Variants in KCNJ6 observed in about 807,000 individuals in gnomAD.
KCNJ6 encodes G protein-activated inward rectifier potassium channel 2.
Under a neutral mutation model 34.2 loss-of-function variants are expected in KCNJ6, and 9 were observed. That is an observed-to-expected ratio of 0.26 (90% CI 0.16 to 0.46). The LOEUF (loss-of-function observed/expected upper bound fraction) is 0.46. KCNJ6 is among the 20% of genes least tolerant of loss of function. KCNJ6 has a pLI of 1.00. For synonymous variants in KCNJ6, 196 were observed against 207.1 expected (o/e 0.95, Z 0.46); for missense variants, 236 against 531.3 (o/e 0.44, Z 5.46).
chr21:37,669,686 T>C (rs187176320), intron 3 of KCNJ6, among the ~76,000 whole-genome samples: 8 of 145,292 alleles, frequency 5.5e-5, no homozygotes, highest in Admixed American at 4.3e-4. Flanking sequence ...ATCTACTGTT[T>C]GGAGCTTACA....
intron 1 of KCNJ6, among the ~76,000 whole-genome samples, chr21:37,905,307 T>C (rs1434880119): frequency 1.3e-5 from 2 of 152,246 alleles, no homozygotes; most frequent in African/African-American, 4.8e-5. Flanking sequence ...TTAAAATTCC[T>C]GTATTTCCTC....
At chr21:37,903,679 A>C (rs1307849769) in intron 1 of KCNJ6, among the ~76,000 whole-genome samples, 1 of 152,094 alleles carries the variant, frequency 6.6e-6, no homozygotes, top group African/African-American at 2.4e-5. Flanking sequence ...TCCATGTATA[A>C]GTCTTGCCTT....
intron 3 of KCNJ6, among the ~76,000 whole-genome samples, chr21:37,651,828 G>A (rs1239425498): frequency 6.6e-6 from 1 of 152,170 alleles, no homozygotes; most frequent in African/African-American, 2.4e-5. Context: ...TGGAACTTTA[G>A]GGACAAGTCT....
chr21:37,761,311 CTGTG>C (rs899099223), intron 2 of KCNJ6, among the ~76,000 whole-genome samples: 1 of 13,900 alleles, frequency 7.2e-5, no homozygotes, highest in Admixed American at 1.0e-3. Context: ...TGTGTATGTG[CTGTG>C]TGTCTTGTGT....
chr21:37,815,016 G>A (rs1212724628), intron 2 of KCNJ6, among the ~76,000 whole-genome samples: 2 of 151,632 alleles, frequency 1.3e-5, no homozygotes, highest in Non-Finnish European at 2.9e-5. Flanking sequence ...GCCAGGCACA[G>A]AAAGATAAAC....
At chr21:37,840,756 T>G in intron 1 of KCNJ6, 47 bp from the exon 2 acceptor site, 2 of 1,060,722 alleles carry the variant, frequency 1.9e-6, no homozygotes, top group Non-Finnish European at 2.9e-6. Context: ...ATGTCTTAGA[T>G]ATGAATTGAT....
At chr21:37,742,629 T>C (rs984615540) in intron 2 of KCNJ6, among the ~76,000 whole-genome samples, 1 of 152,212 alleles carries the variant, frequency 6.6e-6, no homozygotes, top group Non-Finnish European at 1.5e-5. Context: ...GGCCATCCTC[T>C]ACAAAGCGTT....
chr21:37,914,011 GTGTGTGT>G (rs2055880772), intron 1 of KCNJ6, among the ~76,000 whole-genome samples: 2 of 121,584 alleles, frequency 1.6e-5, no homozygotes, highest in African/African-American at 9.8e-5. Context: ...GGATCGGGGT[GTGTGTGT>G]GTGTGTGTGT....
chr21:37,622,886 A>T lies in KCNJ6; in HGVS notation c.*2273T>A, dbSNP rs2054294606. 1 of 152,178 alleles carries T rather than the reference A, an allele frequency of 6.6e-6. No homozygotes were observed. The allele number at this position is 152,178 out of a possible 1,614,324, so 9.4% of individuals were successfully genotyped here. A position where few individuals can be genotyped will look rare whatever the true frequency, so the allele number is the denominator to read the frequency against. ...GAAGACATTTTGCCGCCCCTATTCCATCTTGTTTTGTGCCTGCCATGGCCT... is the reference window on the plus strand; with the variant it reads ...GAAGACATTTTGCCGCCCCTATTCCTTCTTGTTTTGTGCCTGCCATGGCCT... On this transcript the variant is annotated 3_prime_UTR_variant, in exon 4 of 4. Coordinates refer to ENST00000609713, the MANE Select transcript of KCNJ6 (RefSeq NM_002240.5).
chr21:37,723,779 C>T lies in KCNJ6; in HGVS notation c.26-8648G>A, dbSNP rs145562833. ...GACTACTAGAGGGGAGAAGGAGGGACGGGCTCAAGGGTTGAAAACCTATTG... is the reference window on the plus strand; with the variant it reads ...GACTACTAGAGGGGAGAAGGAGGGATGGGCTCAAGGGTTGAAAACCTATTG... On this transcript the variant is annotated intron_variant, in intron 2 of 3. Transcript: ENST00000609713. Among the ~76,000 whole-genome samples, 32 of 152,158 alleles carry T rather than the reference C, an allele frequency of 2.1e-4. 1 individual carries two copies. The East Asian group carries it at 5.4e-3, about 26-fold the overall frequency.
chr21:37,893,228 G>T (rs1421109801), intron 1 of KCNJ6, among the ~76,000 whole-genome samples: 1 of 151,288 alleles, frequency 6.6e-6, no homozygotes, highest in Non-Finnish European at 1.5e-5. Flanking sequence ...TTTTTTTGGA[G>T]ATGGAGTCTC....
intron 2 of KCNJ6, among the ~76,000 whole-genome samples, chr21:37,771,017 G>T (rs1392371305): frequency 1.3e-5 from 2 of 152,188 alleles, no homozygotes; most frequent in Non-Finnish European, 2.9e-5. Context: ...AAAAGAGTTG[G>T]TGTGCTTTTG....
intron 3 of KCNJ6, among the ~76,000 whole-genome samples, chr21:37,692,773 C>T (rs892545078): frequency 6.6e-6 from 1 of 152,176 alleles, no homozygotes; most frequent in African/African-American, 2.4e-5. Flanking sequence ...TTGATAACCA[C>T]AAATTACTCA....
At chr21:37,746,851 GC>G (rs2054970032) in intron 2 of KCNJ6, among the ~76,000 whole-genome samples, 1 of 152,220 alleles carries the variant, frequency 6.6e-6, no homozygotes, top group South Asian at 2.1e-4. Flanking sequence ...CACTCTGACT[GC>G]TCAGTGGATT....
At chr21:37,668,521 A>C (rs2054527345) in intron 3 of KCNJ6, among the ~76,000 whole-genome samples, 1 of 152,036 alleles carries the variant, frequency 6.6e-6, no homozygotes, top group Non-Finnish European at 1.5e-5. Flanking sequence ...TACCTTAATC[A>C]CTTCTTTAAA....
At chr21:37,731,174 G>A (rs577544078) in intron 2 of KCNJ6, among the ~76,000 whole-genome samples, 12 of 152,092 alleles carry the variant, frequency 7.9e-5, no homozygotes, top group Admixed American at 5.9e-4. Context: ...GTGGCAACAA[G>A]AAGAATCTTG....
At chr21:37,911,969 G>A (rs1394104930) in intron 1 of KCNJ6, among the ~76,000 whole-genome samples, 3 of 152,110 alleles carry the variant, frequency 2.0e-5, no homozygotes, top group African/African-American at 4.8e-5. Flanking sequence ...GGTAGACTGA[G>A]ATGATAGGGA....
intron 3 of KCNJ6, among the ~76,000 whole-genome samples, chr21:37,688,425 T>A (rs2054625260): frequency 6.6e-6 from 1 of 152,224 alleles, no homozygotes; most frequent in East Asian, 1.9e-4. Flanking sequence ...TTTTTTTTTA[T>A]CATCTAATTT....
intron 1 of KCNJ6, among the ~76,000 whole-genome samples, chr21:37,880,762 G>C (rs1210486178): frequency 6.6e-6 from 1 of 152,222 alleles, no homozygotes; most frequent in Admixed American, 6.5e-5. Context: ...CTTTCCAGGC[G>C]TGAAGCATAT....
Sources: allele counts gnomAD v4.1 joint callset (sites outside exome capture counted in the v4.1 genomes callset), GRCh38; gene constraint gnomAD v4.1.1; transcripts MANE v1.5; gene names NCBI Gene and HGNC (gene_info 2026-07-23, HGNC 2026-07-21).